The following MYRIP variants were observed in gnomAD, a reference collection of about 807,000 sequenced individuals.
MYRIP encodes myosin VIIA and Rab interacting protein.
MYRIP carries 49 observed loss-of-function variants against 98.0 expected under a neutral mutation model. That is an observed-to-expected ratio of 0.50 (90% CI 0.40 to 0.63). The LOEUF (loss-of-function observed/expected upper bound fraction) is 0.63, where lower values mean the gene tolerates loss of function less well. Ranked by LOEUF, MYRIP falls within the 30% of genes least tolerant of loss-of-function variation. The pLI is 0.00. For synonymous variants in MYRIP, 404 were observed against 409.5 expected, an observed-to-expected ratio of 0.99 and a Z score of 0.16; for missense variants, 1,004 against 1,058.2, an observed-to-expected ratio of 0.95 and a Z score of 0.71.
chr3:40,118,559 G>GTTTATTTATTTA (rs200357639), intron 3 of MYRIP, among the ~76,000 whole-genome samples: 2 of 147,010 alleles, frequency 1.4e-5, no homozygotes, highest in African/African-American at 5.0e-5. Flanking sequence ...TGGGTTGAAG[G>GTTTATTTATTTA]TTTATTTATT....
At chr3:40,223,377 A>G (rs1333938165) in intron 11 of MYRIP, among the ~76,000 whole-genome samples, 1 of 152,230 alleles carries the variant, frequency 6.6e-6, no homozygotes, top group African/African-American at 2.4e-5. Flanking sequence ...AGCTACTAAT[A>G]TAAGATGTAA....
At chr3:39,919,828 G>A (rs1399728961) in intron 2 of MYRIP, among the ~76,000 whole-genome samples, 8 of 151,704 alleles carry the variant, frequency 5.3e-5, no homozygotes, top group Non-Finnish European at 8.8e-5. Flanking sequence ...CAAAGCAGAG[G>A]CACAGAGCTG....
intron 13 of MYRIP, among the ~76,000 whole-genome samples, chr3:40,246,374 A>C (rs1953205110): frequency 6.6e-6 from 1 of 152,176 alleles, no homozygotes; most frequent in Admixed American, 6.5e-5. Flanking sequence ...ATTGCACATG[A>C]AAAGGAGGGG....
At chr3:39,946,768 C>T (rs1333519181) in intron 2 of MYRIP, among the ~76,000 whole-genome samples, 1 of 152,108 alleles carries the variant, frequency 6.6e-6, no homozygotes, top group East Asian at 1.9e-4. Context: ...GCAGACGATC[C>T]AGATAAAATG....
chr3:40,200,696 G>C (rs911323941), intron 10 of MYRIP, among the ~76,000 whole-genome samples: 8 of 152,118 alleles, frequency 5.3e-5, no homozygotes, highest in African/African-American at 1.9e-4. Context: ...ATATGGCAGG[G>C]ACCCAAGCCC....
intron 2 of MYRIP, among the ~76,000 whole-genome samples, chr3:39,975,385 A>G (rs1304972815): frequency 6.6e-6 from 1 of 152,016 alleles, no homozygotes; most frequent in East Asian, 1.9e-4. Flanking sequence ...CCACTGCTCA[A>G]GGAAATAAAA....
chr3:40,003,033 T>G (rs1946555247), intron 2 of MYRIP, among the ~76,000 whole-genome samples: 1 of 32,568 alleles, frequency 3.1e-5, no homozygotes, highest in Admixed American at 5.7e-4. Context: ...GATATCTATA[T>G]ATCTATAGAT....
intron 2 of MYRIP, among the ~76,000 whole-genome samples, chr3:39,987,085 A>C (rs1946049335): frequency 6.6e-6 from 1 of 151,958 alleles, no homozygotes; most frequent in Non-Finnish European, 1.5e-5. Context: ...GGTTTGCTGC[A>C]CCTATCAACC....
chr3:40,209,794 CAAG>C, intron 10 of MYRIP, 57 bp from the exon 11 acceptor site: 1 of 1,598,940 alleles, frequency 6.3e-7, no homozygotes, highest in Admixed American at 1.7e-5. Flanking sequence ...TTATTGGGAA[CAAG>C]AAGCAACATG....
chr3:40,010,107 G>A (rs1448977538), intron 2 of MYRIP, among the ~76,000 whole-genome samples: 1 of 152,228 alleles, frequency 6.6e-6, no homozygotes, highest in African/African-American at 2.4e-5. Context: ...GGTGGGAGCT[G>A]TATATGCAGG....
At chr3:39,812,578 A>C (rs1940736385) in intron 1 of MYRIP, among the ~76,000 whole-genome samples, 1 of 152,252 alleles carries the variant, frequency 6.6e-6, no homozygotes, top group African/African-American at 2.4e-5. Context: ...TGCAAACATG[A>C]AATTATGTGA....
intron 3 of MYRIP, among the ~76,000 whole-genome samples, chr3:40,066,859 T>A (rs960181664): frequency 6.6e-6 from 1 of 152,210 alleles, no homozygotes; most frequent in Non-Finnish European, 1.5e-5. Context: ...CAACTGTCCC[T>A]CTATACTACA....
chr3:40,085,689 T>A (rs1014708852), intron 3 of MYRIP, among the ~76,000 whole-genome samples: 1 of 152,028 alleles, frequency 6.6e-6, no homozygotes, highest in African/African-American at 2.4e-5. Flanking sequence ...ACTTAGGAAT[T>A]AGTGGGTAAG....
chr3:39,951,553 T>G (rs1225358470), intron 2 of MYRIP, among the ~76,000 whole-genome samples: 1 of 152,218 alleles, frequency 6.6e-6, no homozygotes, highest in African/African-American at 2.4e-5. Context: ...GCCATAGGTC[T>G]TAGGTTAAAC....
At position 40,075,146 on chromosome 3, in the gene MYRIP, A is replaced by G. The variant is rs540611023; in HGVS notation, c.332+30875A>G. On this transcript the variant is annotated intron_variant, in intron 3 of 16. Coordinates refer to ENST00000302541, the MANE Select transcript of MYRIP (RefSeq NM_015460.4). Reference sequence around the variant, plus strand: ...AATGACATCCAGTATTGATACATGTATATGGGAAAACAGGCAATCTATCAC... The same window carrying G: ...AATGACATCCAGTATTGATACATGTGTATGGGAAAACAGGCAATCTATCAC... Among the ~76,000 whole-genome samples, 7 of 152,346 alleles carry G rather than the reference A, an allele frequency of 4.6e-5. No homozygotes were observed. The East Asian group carries it at 1.2e-3, about 25-fold the overall frequency.
chr3:40,202,182 G>C (rs1951585288), intron 10 of MYRIP, among the ~76,000 whole-genome samples: 1 of 152,134 alleles, frequency 6.6e-6, no homozygotes, highest in Non-Finnish European at 1.5e-5. Context: ...GAGCCACCAG[G>C]ACATAAGGAT....
At chr3:39,908,042 T>C (rs2125677693) in intron 2 of MYRIP, among the ~76,000 whole-genome samples, 1 of 152,348 alleles carries the variant, frequency 6.6e-6, no homozygotes, top group Non-Finnish European at 1.5e-5. Flanking sequence ...CTTTAAAATT[T>C]CTCATTTACT....
chr3:39,976,279 A>G (rs911260388), intron 2 of MYRIP, among the ~76,000 whole-genome samples: 12 of 152,338 alleles, frequency 7.9e-5, no homozygotes, highest in Admixed American at 6.5e-4. Flanking sequence ...ATGCAGCCAA[A>G]AGACACATGA....
intron 2 of MYRIP, among the ~76,000 whole-genome samples, chr3:39,997,516 A>G (rs890177713): frequency 6.6e-6 from 1 of 152,340 alleles, no homozygotes; most frequent in Non-Finnish European, 1.5e-5. Flanking sequence ...AACCAATAAC[A>G]GGCTCTGTAA....
Sources: allele counts gnomAD v4.1 joint callset (sites outside exome capture counted in the v4.1 genomes callset), GRCh38; gene constraint gnomAD v4.1.1; transcripts MANE v1.5; gene names NCBI Gene and HGNC (gene_info 2026-07-23, HGNC 2026-07-21).